MTMR8: variants seen among roughly 807,000 people sequenced by gnomAD.
MTMR8 encodes myotubularin related protein 8.
In MTMR8, 65 loss-of-function variants were observed where a neutral mutation model predicts 39.3. The observed-to-expected ratio is 1.65, with a 90% CI of 1.35 to 2.03. The LOEUF (loss-of-function observed/expected upper bound fraction) is 2.03, where lower values mean the gene tolerates loss of function less well. MTMR8 is among the 30% of genes most tolerant of loss of function. The pLI, the probability that MTMR8 is intolerant of heterozygous loss-of-function variation, is 0.00. For missense variants in MTMR8, 777 were observed against 538.9 expected, an observed-to-expected ratio of 1.44 and a Z score of -4.37; for synonymous variants, 245 against 185.2, an observed-to-expected ratio of 1.32 and a Z score of -2.62.
rs777319238 is a variant in MTMR8, at chrX:64,354,836, C to G, written c.409G>C (p.Gly137Arg). Residue 137 changes from glycine (G) to arginine (R), a missense_variant, in exon 4 of 14, where the codon GGG becomes CGG. Physicochemically the swap from Gly to Arg is moderately radical, Grantham distance 125. Transcript: ENST00000374852. ...TTTCTGTTGGGTATTCCCATACGCCCAAAGTCTGATATTGGGTCAATCAGT... is the reference window on the plus strand; with the variant it reads ...TTTCTGTTGGGTATTCCCATACGCCGAAAGTCTGATATTGGGTCAATCAGT... ...WKLIDPISDF[G>R]RMGIPNRNWT... 3 of 1,206,718 alleles carry G rather than the reference C, an allele frequency of 2.5e-6. No homozygotes were observed. The South Asian group carries it at 5.3e-5, about 21-fold the overall frequency.
Position 64,337,358 on chromosome X carries a change from A to G in MTMR8, c.1011T>C (p.His337=). Residue 337 remains histidine, a synonymous_variant, in exon 9 of 14, where the codon CAT becomes CAC. Coordinates refer to ENST00000374852, the MANE Select transcript of MTMR8 (RefSeq NM_017677.4). The part of the protein sequence containing the change: ...VKVEKASVLV[H]CSDGWDRTAQ... ...CTGTGCGGTCCCATCCATCAGAACA[A>G]TGGACTAAGACACTGGCCTTTTCTA... 1 of 1,210,224 alleles carries G rather than the reference A, an allele frequency of 8.3e-7. No homozygotes were observed. The highest frequency in any genetic ancestry group is 1.1e-6 in the Non-Finnish European group (1 of 894,776).
At chrX:64,292,670 A>G (rs764940787) in intron 12 of MTMR8, among the ~76,000 whole-genome samples, 4 of 111,131 alleles carry the variant, frequency 3.6e-5, no homozygotes, top group Non-Finnish European at 7.6e-5. Flanking sequence ...TTTGGAGCAG[A>G]AAATGCATCA....
At chrX:64,360,422 G>A (rs1482597398) in intron 1 of MTMR8, 6 of 288,632 alleles carry the variant, frequency 2.1e-5, no homozygotes, top group Admixed American at 3.8e-5. Flanking sequence ...ATGAAGATAC[G>A]GAACACTTAC....
intron 12 of MTMR8, among the ~76,000 whole-genome samples, chrX:64,317,925 A>T (rs1265969607): frequency 1.8e-5 from 2 of 112,191 alleles, no homozygotes; most frequent in African/African-American, 3.2e-5. Flanking sequence ...GTGGGGATTC[A>T]GGCCCCCCAC....
intron 4 of MTMR8, among the ~76,000 whole-genome samples, chrX:64,353,780 C>T (rs1026589689): frequency 3.6e-5 from 4 of 109,853 alleles, no homozygotes; most frequent in Middle Eastern, 4.7e-3. Flanking sequence ...GAAACAAATT[C>T]GCCAGGCATG....
intron 12 of MTMR8, among the ~76,000 whole-genome samples, chrX:64,274,826 T>A (rs759672023): frequency 4.5e-5 from 5 of 111,986 alleles, no homozygotes; most frequent in Non-Finnish European, 9.4e-5. Context: ...AAACTATATC[T>A]TCTCACTTAC....
chrX:64,328,983 A>T, intron 11 of MTMR8, 83 bp from the exon 12 acceptor site: 3 of 934,371 alleles, frequency 3.2e-6, no homozygotes, highest in Non-Finnish European at 4.3e-6. Flanking sequence ...ATAAGCAGCA[A>T]ATTTTACTAA....
At chrX:64,330,981 T>A (rs1163543911) in intron 11 of MTMR8, among the ~76,000 whole-genome samples, 1 of 111,182 alleles carries the variant, frequency 9.0e-6, no homozygotes, top group Non-Finnish European at 1.9e-5. Flanking sequence ...AGGAAGCGGG[T>A]GAGGGATAAA....
At chrX:64,299,744 G>A (rs1189049362) in intron 12 of MTMR8, among the ~76,000 whole-genome samples, 1 of 100,925 alleles carries the variant, frequency 9.9e-6, no homozygotes, top group African/African-American at 3.6e-5. Flanking sequence ...TCTACACACT[G>A]CTTTGAATGC....
intron 8 of MTMR8, among the ~76,000 whole-genome samples, chrX:64,339,729 GA>G (rs1923167095): frequency 9.0e-6 from 1 of 111,112 alleles, no homozygotes; most frequent in Admixed American, 9.5e-5. Context: ...GGAAGAGATG[GA>G]ATTTCAAATA....
intron 1 of MTMR8, among the ~76,000 whole-genome samples, chrX:64,382,607 C>A (rs1924457612): frequency 9.0e-6 from 1 of 111,169 alleles, no homozygotes; most frequent in East Asian, 2.8e-4. Context: ...CCTTCTCCTG[C>A]CTGATTGCTC....
chrX:64,335,985 CT>C, intron 10 of MTMR8, 93 bp downstream of exon 10: 1 of 614,827 alleles, frequency 1.6e-6, no homozygotes. Flanking sequence ...TCAACTTCCT[CT>C]TCCTTCCTTT....
At chrX:64,349,033 A>G (rs1385564327) in intron 5 of MTMR8, among the ~76,000 whole-genome samples, 1 of 111,788 alleles carries the variant, frequency 8.9e-6, no homozygotes, top group Non-Finnish European at 1.9e-5. Context: ...GACTACAAAA[A>G]AAATCACATC....
rs754980039 is a variant in MTMR8 at position 64,289,463 on chromosome X, C to A, written c.1482-18390G>T. On this transcript the variant is annotated intron_variant, in intron 12 of 13. Transcript: ENST00000374852. ...TAGGAGCCTGAACAACATAGCAAGA[C>A]CCTGTCTCTACAAAAATAAAATAAT... Among the ~76,000 whole-genome samples the A allele has an allele frequency of 7.3e-5, 8 of 109,049 alleles. No individual in the cohort carries two copies. In the South Asian group the frequency reaches 3.2e-3, roughly 43 times the overall value. 94.7% of individuals were successfully genotyped at this position (109,049 alleles called of 115,157 possible).
chrX:64,386,716 T>C (rs1924569356), intron 1 of MTMR8, among the ~76,000 whole-genome samples: 1 of 111,623 alleles, frequency 9.0e-6, no homozygotes, highest in African/African-American at 3.3e-5. Context: ...ATAGAAATAG[T>C]TTGGTGAAAG....
At chrX:64,343,802 C>T (rs1488428968) in intron 7 of MTMR8, 82 bp from the exon 8 acceptor site, 9 of 651,260 alleles carry the variant, frequency 1.4e-5, no homozygotes, top group African/African-American at 6.6e-5. Flanking sequence ...ATCTCCATAT[C>T]GTAAGTGAGG....
rs1272298336 is a variant in MTMR8 at position 64,287,807 on chromosome X, A to G, written c.1482-16734T>C. On this transcript the variant is annotated intron_variant, in intron 12 of 13. Coordinates refer to ENST00000374852, the MANE Select transcript of MTMR8 (RefSeq NM_017677.4). ...GATCCCTTCCTTACATCTTATACAA[A>G]AATTAATTCAAGATGGATTAAAGAC... 1.2e-4 allele frequency among the ~76,000 whole-genome samples: 13 copies of G among 106,351 alleles called. No homozygotes were observed. The East Asian group carries it at 2.7e-3, about 22-fold the overall frequency. The allele number at this position is 106,351 out of a possible 115,157, so 92.4% of individuals were successfully genotyped here.
At chrX:64,278,609 G>T (rs191759276) in intron 12 of MTMR8, among the ~76,000 whole-genome samples, 1 of 107,038 alleles carries the variant, frequency 9.3e-6, no homozygotes, top group East Asian at 3.0e-4. Context: ...GAGGAGCTGG[G>T]ACTACAGGTG....
Position 64,353,594 on chromosome X carries a change from C to T in MTMR8, c.468+1183G>A, listed in dbSNP as rs778420651. ...TTTATCAAAAAGGCAATAATGGATA[C>T]TGGTGAGGATATGGAGAAAATGAAA... On this transcript the variant is annotated intron_variant, in intron 4 of 13. Coordinates refer to ENST00000374852, the MANE Select transcript of MTMR8 (RefSeq NM_017677.4). Among the ~76,000 whole-genome samples the T allele has an allele frequency of 1.4e-4, 16 of 111,748 alleles. No individual in the cohort carries two copies. The South Asian group carries it at 6.0e-3, about 42-fold the overall frequency.
Sources: allele counts gnomAD v4.1 joint callset (sites outside exome capture counted in the v4.1 genomes callset), GRCh38; gene constraint gnomAD v4.1.1; transcripts MANE v1.5; gene names NCBI Gene and HGNC (gene_info 2026-07-23, HGNC 2026-07-21).